The following SYCE1 variants were observed in gnomAD, a reference collection of about 807,000 sequenced individuals.
SYCE1 encodes the protein synaptonemal complex central element protein 1, also known as cancer/testis antigen 76.
In SYCE1, 37 loss-of-function variants were observed where a neutral mutation model predicts 55.1. The observed-to-expected ratio is 0.67, with a 90% CI of 0.52 to 0.88. SYCE1 has a LOEUF of 0.88. Among genes scored for constraint, SYCE1 ranks in the 40% least tolerant of loss-of-function variants. The probability of loss-of-function intolerance (pLI) is 0.00; values close to 1 mark genes in which losing one functional copy is unlikely to be tolerated. For missense variants in SYCE1, 399 were observed against 416.4 expected (o/e 0.96, Z 0.36); for synonymous variants, 163 against 159.4 (o/e 1.02, Z -0.17).
Position 133,565,467 on chromosome 10 carries a change from C to T in SYCE1, c.63G>A (p.Glu21=), listed in dbSNP as rs781126203. 1 of 1,549,886 alleles carries T rather than the reference C, an allele frequency of 6.5e-7. No homozygotes were observed. The highest frequency in any genetic ancestry group is 1.4e-5 in the African/African-American group (1 of 73,014). Residue 21 remains glutamate (E), a synonymous_variant, in exon 1 of 13, where the codon GAG becomes GAA. Coordinates refer to ENST00000343131, the MANE Select transcript of SYCE1 (RefSeq NM_001143764.3). ...EPTAGAVDRA[E]KAGGQDTSSQ... The stretch of plus-strand genomic sequence containing the variant: ...GCCTCCCACCACTACCTCCGGCCTT[C>T]TCAGCCCTGTCCACGGCTCCTGCGG...
At chr10:133,567,938 A>G (rs1489016981), upstream of SYCE1, 3 of 552,772 alleles carry the variant, frequency 5.4e-6, no homozygotes, top group Non-Finnish European at 1.0e-5. Context: ...CATGGGCAGG[A>G]CGGTGGATGG....
chr10:133,554,419 G>T, downstream of SYCE1: 1 of 1,164,112 alleles, frequency 8.6e-7, no homozygotes, highest in Non-Finnish European at 1.3e-6. Flanking sequence ...TCTTGATTGG[G>T]TCAACGCATT....
rs200963807 is a variant in SYCE1 at position 133,559,298 on chromosome 10, C to T, written c.196+3G>A. ...AGCTGGCAGCCAAGGCCCCTGAACTCACCTTGCTGGACCTCATTAATCCGG... is the reference window on the plus strand; with the variant it reads ...AGCTGGCAGCCAAGGCCCCTGAACTTACCTTGCTGGACCTCATTAATCCGG... On this transcript the variant is annotated splice_donor_region_variant and intron_variant, in intron 3 of 12. Coordinates refer to ENST00000343131, the MANE Select transcript of SYCE1 (RefSeq NM_001143764.3). 1.0e-4 allele frequency: 168 copies of T among 1,614,170 alleles called. No homozygotes were observed. In the African/African-American group the frequency reaches 1.6e-3, roughly 16 times the overall value.
At chr10:133,566,125 CCACGGTCCCTTCTG>C (rs1851929573), upstream of SYCE1, among the ~76,000 whole-genome samples, 1 of 152,214 alleles carries the variant, frequency 6.6e-6, no homozygotes, top group Non-Finnish European at 1.5e-5. Context: ...GGCCACAAGC[CCACGGTCCCTTCTG>C]CACGGTCCCT....
In SYCE1 at chr10:133,557,813, C is replaced by T. The variant is rs751901231; in HGVS notation, c.374+51G>A. 2.5e-6 allele frequency: 4 copies of T among 1,595,200 alleles called. No homozygotes were observed. The African/African-American group carries it at 5.4e-5, about 21-fold the overall frequency. On this transcript the variant is annotated intron_variant, in intron 6 of 12. Transcript: ENST00000343131. The stretch of plus-strand genomic sequence containing the variant: ...ATTCATCTTCCTGCCTCTTTCTGCT[C>T]TACCAGAATAAAGAGGTAGTGCAGA...
chr10:133,559,150 C>T, intron 3 of SYCE1, 151 bp downstream of exon 3: 1 of 947,538 alleles, frequency 1.1e-6, no homozygotes, highest in Non-Finnish European at 1.6e-6. Flanking sequence ...CAGTCGCATG[C>T]TGAAATGCCC....
chr10:133,556,922 GC>G, intron 7 of SYCE1, 100 bp from the exon 8 acceptor site: 1 of 1,527,224 alleles, frequency 6.5e-7, no homozygotes, highest in Non-Finnish European at 9.1e-7. Flanking sequence ...GGGGTGCTTT[GC>G]CCATGGTCTC....
upstream of SYCE1, chr10:133,567,920 C>T (rs547329508): frequency 9.8e-5 from 52 of 532,340 alleles, no homozygotes; most frequent in Middle Eastern, 1.0e-3. Flanking sequence ...AGGTGGATGG[C>T]GAGGCAGCAT....
intron 2 of SYCE1, 27 bp downstream of exon 2, chr10:133,560,064 G>A (rs761210251): frequency 9.9e-6 from 16 of 1,609,782 alleles, no homozygotes; most frequent in Non-Finnish European, 1.4e-5. Flanking sequence ...ACCTCAGGCT[G>A]TGCCTCACAC....
intron 6 of SYCE1, 41 bp from the exon 7 acceptor site, chr10:133,557,197 C>T: frequency 6.3e-7 from 1 of 1,577,284 alleles, no homozygotes; most frequent in East Asian, 2.2e-5. Flanking sequence ...TTCTCTTAAG[C>T]CCCAGGAGGG....
In SYCE1 at chr10:133,560,081, G is replaced by A. The variant is rs1450005493; in HGVS notation, c.136+10C>T. 1 of 1,613,402 alleles carries A rather than the reference G, an allele frequency of 6.2e-7. No homozygotes were observed. The highest frequency in any genetic ancestry group is 1.3e-5 in the African/African-American group (1 of 74,878). ...CTCAGGCTGTGCCTCACACAAAGGA[G>A]ACACACGACCTTTCTGCAGCTTTTG... On this transcript the variant is annotated intron_variant, in intron 2 of 12. Coordinates refer to ENST00000343131, the MANE Select transcript of SYCE1 (RefSeq NM_001143764.3).
rs746978574 is a variant in SYCE1 at position 133,559,283 on chromosome 10, C to T, written c.196+18G>A. On this transcript the variant is annotated intron_variant, in intron 3 of 12. Coordinates refer to ENST00000343131, the MANE Select transcript of SYCE1 (RefSeq NM_001143764.3). ...CATGCAGCTGGTCCTAGCTGGCAGC[C>T]AAGGCCCCTGAACTCACCTTGCTGG... 9.9e-6 allele frequency: 16 copies of T among 1,613,876 alleles called. No homozygotes were observed. The highest frequency in any genetic ancestry group is 1.2e-5 in the Non-Finnish European group (14 of 1,179,868).
At chr10:133,554,373 G>C, downstream of SYCE1, 1 of 1,579,722 alleles carries the variant, frequency 6.3e-7, no homozygotes, top group Middle Eastern at 1.7e-4. Flanking sequence ...AATGCATTCT[G>C]ACTCAGGAGA....
intron 1 of SYCE1, chr10:133,564,301 C>T (rs1039364542): frequency 1.2e-6 from 1 of 821,992 alleles, no homozygotes; most frequent in African/African-American, 1.9e-5. Flanking sequence ...CTGAATTGCA[C>T]CTTGATCTTG....
rs1589966398 is a variant in SYCE1, at chr10:133,557,544, T to C, written c.374+320A>G. ...GATGAATGGAGAGAGAATGGACAAA[T>C]GGTTGGCTCAATGCCTAAATGAACA... is the stretch of plus-strand genomic sequence containing the variant. On this transcript the variant is annotated intron_variant, in intron 6 of 12. Transcript: ENST00000343131. The C allele has an allele frequency of 2.4e-5, 12 of 496,446 alleles. 2 individuals are homozygous for C. In the South Asian group the frequency reaches 3.2e-4, roughly 13 times the overall value. The allele number at this position is 496,446 out of a possible 1,614,324, so 30.8% of individuals were successfully genotyped here. A position where few individuals can be genotyped will look rare whatever the true frequency, so the allele number is the denominator to read the frequency against.
At chr10:133,566,114 C>T (rs746560538), upstream of SYCE1, among the ~76,000 whole-genome samples, 1 of 152,216 alleles carries the variant, frequency 6.6e-6, no homozygotes, top group African/African-American at 2.4e-5. Flanking sequence ...TGGCCGAGGC[C>T]GGCCACAAGC....
At chr10:133,558,790 T>G (rs1851750206) in intron 4 of SYCE1, 87 bp downstream of exon 4, 2 of 1,345,324 alleles carry the variant, frequency 1.5e-6, no homozygotes, top group Non-Finnish European at 2.1e-6. Flanking sequence ...CCCTTGGCCA[T>G]GGCAAGGATG....
At chr10:133,555,231 A>G in intron 12 of SYCE1, 102 bp from the exon 13 acceptor site, 5 of 1,552,994 alleles carry the variant, frequency 3.2e-6, no homozygotes, top group South Asian at 2.4e-5. Context: ...AGTATGGGAA[A>G]GGCCCTCCCC....
chr10:133,566,960 G>A (rs951283688), upstream of SYCE1, among the ~76,000 whole-genome samples: 2 of 151,568 alleles, frequency 1.3e-5, no homozygotes, highest in African/African-American at 2.4e-5. Flanking sequence ...CAGGGTTTGG[G>A]GTGGGGTAGT....
Sources: allele counts gnomAD v4.1 joint callset (sites outside exome capture counted in the v4.1 genomes callset), GRCh38; gene constraint gnomAD v4.1.1; transcripts MANE v1.5; gene names NCBI Gene and HGNC (gene_info 2026-07-23, HGNC 2026-07-21).